DYNC1I1: variants seen among roughly 807,000 people sequenced by gnomAD.
DYNC1I1 encodes the protein cytoplasmic dynein 1 intermediate chain 1.
In DYNC1I1, 43 loss-of-function variants were observed where a neutral mutation model predicts 86.6. The ratio of observed to expected loss-of-function variants is 0.50; its 90% confidence interval spans 0.39 to 0.64. The LOEUF (loss-of-function observed/expected upper bound fraction) is 0.64. Among genes scored for constraint, DYNC1I1 ranks in the 30% least tolerant of loss-of-function variants. DYNC1I1 has a pLI of 0.00. For missense variants in DYNC1I1, 604 were observed against 788.8 expected, an observed-to-expected ratio of 0.77 and a Z score of 2.81; for synonymous variants, 262 against 283.7, an observed-to-expected ratio of 0.92 and a Z score of 0.77.
intron 10 of DYNC1I1, among the ~76,000 whole-genome samples, chr7:96,006,283 A>T (rs759424361): frequency 6.6e-6 from 1 of 152,130 alleles, no homozygotes; most frequent in Non-Finnish European, 1.5e-5. Flanking sequence ...CATTCGAGAG[A>T]ATCCAGGCGC....
At chr7:95,949,605 G>A (rs1792498159) in intron 6 of DYNC1I1, among the ~76,000 whole-genome samples, 1 of 152,206 alleles carries the variant, frequency 6.6e-6, no homozygotes, top group Admixed American at 6.5e-5. Flanking sequence ...GTTAGAACTG[G>A]TAGATGTGAC....
chr7:95,999,252 A>G (rs970051855), intron 10 of DYNC1I1, among the ~76,000 whole-genome samples: 1 of 152,236 alleles, frequency 6.6e-6, no homozygotes, highest in South Asian at 2.1e-4. Context: ...GAATAGAATC[A>G]GAAATATATA....
intron 1 of DYNC1I1, among the ~76,000 whole-genome samples, chr7:95,784,814 A>G (rs1036031933): frequency 2.0e-5 from 3 of 152,242 alleles, no homozygotes; most frequent in African/African-American, 7.2e-5. Context: ...GTGAGAGGTC[A>G]GAGAAGCTCT....
chr7:95,952,155 C>G (rs1253404892), intron 6 of DYNC1I1, among the ~76,000 whole-genome samples: 1 of 151,852 alleles, frequency 6.6e-6, no homozygotes, highest in Non-Finnish European at 1.5e-5. Context: ...TTTCCTTTCT[C>G]TCTTTCATTT....
At chr7:95,847,270 G>A (rs534787397) in intron 5 of DYNC1I1, among the ~76,000 whole-genome samples, 2 of 151,878 alleles carry the variant, frequency 1.3e-5, no homozygotes, top group East Asian at 1.9e-4. Context: ...GTGCTTTCTC[G>A]TCACCCTGGA....
intron 14 of DYNC1I1, among the ~76,000 whole-genome samples, chr7:96,045,562 G>A (rs182913797): frequency 2.0e-5 from 3 of 152,206 alleles, no homozygotes; most frequent in African/African-American, 2.4e-5. Context: ...CCTAAGAAGC[G>A]GTAAAATAGC....
chr7:95,833,722 C>T (rs1384570287), intron 5 of DYNC1I1, among the ~76,000 whole-genome samples: 1 of 146,382 alleles, frequency 6.8e-6, no homozygotes, highest in Non-Finnish European at 1.5e-5. Flanking sequence ...ATTTTATTCT[C>T]TTTGAAGCAA....
rs771404853 is a variant in DYNC1I1 at position 95,984,880 on chromosome 7, T to C, written c.646T>C (p.Phe216Leu). The C allele has an allele frequency of 6.2e-7, 1 of 1,613,210 alleles. No individual in the cohort carries two copies. The highest frequency in any genetic ancestry group is 1.1e-5 in the South Asian group (1 of 90,844). ...QILHSEEFLI[F>L]FDRTIRVIER... ...CCTTCATTCAGAGGAATTTCTCATC[T>C]TTTTTGACCGGACAATACGGGTAAT... The change falls in exon 8 of 17, where the codon TTT becomes CTT. Residue 216 changes from phenylalanine (F) to leucine (L), a missense_variant. Coordinates refer to ENST00000447467, the MANE Select transcript of DYNC1I1 (RefSeq NM_001135556.2).
At chr7:95,976,571 G>A (rs181893124) in intron 6 of DYNC1I1, among the ~76,000 whole-genome samples, 231 of 152,310 alleles carry the variant, frequency 1.5e-3, no homozygotes, top group South Asian at 5.4e-3. Flanking sequence ...TTGAATGAGC[G>A]AACATATGGG....
chr7:95,877,134 C>T (rs933933694), intron 6 of DYNC1I1, among the ~76,000 whole-genome samples: 2 of 152,088 alleles, frequency 1.3e-5, no homozygotes, highest in African/African-American at 4.8e-5. Context: ...ACTTGGAGAG[C>T]TATTGTATCT....
chr7:96,104,357 C>A (rs982367086), intron 16 of DYNC1I1, among the ~76,000 whole-genome samples: 1 of 152,030 alleles, frequency 6.6e-6, no homozygotes, highest in African/African-American at 2.4e-5. Flanking sequence ...TTTTGATATG[C>A]AAAAATTTTA....
chr7:96,073,529 G>T (rs954591883), intron 14 of DYNC1I1, among the ~76,000 whole-genome samples: 1 of 152,166 alleles, frequency 6.6e-6, no homozygotes. Context: ...TTTAAAGCTG[G>T]ATGGTCTTTT....
chr7:95,820,869 T>C (rs1795059401), intron 4 of DYNC1I1, among the ~76,000 whole-genome samples: 1 of 152,248 alleles, frequency 6.6e-6, no homozygotes, highest in African/African-American at 2.4e-5. Context: ...TGGGCCATCA[T>C]GGCCGGCCAG....
At chr7:95,850,088 A>T (rs1789537337) in intron 5 of DYNC1I1, among the ~76,000 whole-genome samples, 1 of 110,006 alleles carries the variant, frequency 9.1e-6, no homozygotes, top group African/African-American at 2.6e-5. Flanking sequence ...TTTGTTTATT[A>T]TTTCTGAAGG....
intron 16 of DYNC1I1, among the ~76,000 whole-genome samples, chr7:96,083,356 G>A (rs1290626422): frequency 2.6e-5 from 4 of 151,964 alleles, no homozygotes; most frequent in African/African-American, 9.7e-5. Context: ...TCACCACAAA[G>A]CTTTATTCTA....
chr7:95,801,881 A>T (rs956525315), intron 1 of DYNC1I1, among the ~76,000 whole-genome samples: 1 of 152,146 alleles, frequency 6.6e-6, no homozygotes, highest in Non-Finnish European at 1.5e-5. Context: ...AGATCAGAAG[A>T]TCTAACTTCA....
At chr7:95,977,240 C>T (rs1051563088) in intron 6 of DYNC1I1, among the ~76,000 whole-genome samples, 1 of 152,160 alleles carries the variant, frequency 6.6e-6, no homozygotes, top group African/African-American at 2.4e-5. Flanking sequence ...TCCAAGACAT[C>T]CCACGTGGTG....
chr7:95,845,244 A>G (rs1284866236), intron 5 of DYNC1I1, among the ~76,000 whole-genome samples: 2 of 152,232 alleles, frequency 1.3e-5, no homozygotes, highest in East Asian at 1.9e-4. Context: ...CCAAACTGCT[A>G]TGGTGAAATA....
Position 95,775,103 on chromosome 7 carries a change from T to C in DYNC1I1, c.-10+2330T>C, listed in dbSNP as rs73708573. On this transcript the variant is annotated intron_variant, in intron 1 of 16. Coordinates refer to ENST00000447467, the MANE Select transcript of DYNC1I1 (RefSeq NM_001135556.2). ...TTATTTAAACATCACAAAAATCTTA[T>C]GAGGCAGATATTGTTTGTAATCCTG... is the stretch of plus-strand genomic sequence containing the variant. Among the ~76,000 whole-genome samples, 1,151 of 152,332 alleles carry C rather than the reference T, an allele frequency of 7.6e-3. 7 individuals carry two copies. Among genetic ancestry groups the C allele is most frequent in the African/African-American group, 0.026 (1,067 of 41,570 alleles).
Sources: allele counts gnomAD v4.1 joint callset (sites outside exome capture counted in the v4.1 genomes callset), GRCh38; gene constraint gnomAD v4.1.1; transcripts MANE v1.5; gene names NCBI Gene and HGNC (gene_info 2026-07-23, HGNC 2026-07-21).